WDR64: variants seen among roughly 807,000 people sequenced by gnomAD.
WDR64 encodes the protein WD repeat-containing protein 64.
WDR64 carries 112 observed loss-of-function variants against 139.3 expected under a neutral mutation model. The ratio of observed to expected loss-of-function variants is 0.80; its 90% CI spans 0.69 to 0.94. WDR64 has a LOEUF of 0.94. WDR64 is among the 40% of genes least tolerant of loss of function. WDR64 has a pLI of 0.00. For synonymous variants in WDR64, 444 were observed against 437.7 expected, an observed-to-expected ratio of 1.01 and a Z score of -0.18; for missense variants, 1,206 against 1,293.1, an observed-to-expected ratio of 0.93 and a Z score of 1.03.
intron 4 of WDR64, among the ~76,000 whole-genome samples, chr1:241,677,550 T>C (rs1214464401): frequency 6.6e-6 from 1 of 152,216 alleles, no homozygotes; most frequent in Non-Finnish European, 1.5e-5. Flanking sequence ...ACTACTTGCC[T>C]TCATCTTGGG....
intron 21 of WDR64, among the ~76,000 whole-genome samples, chr1:241,779,004 C>G (rs966118586): frequency 6.6e-6 from 1 of 152,038 alleles, no homozygotes; most frequent in African/African-American, 2.4e-5. Context: ...AAACCTATAT[C>G]ATTTTTCTTT....
intron 9 of WDR64, among the ~76,000 whole-genome samples, chr1:241,716,697 A>G (rs933333195): frequency 2.6e-5 from 4 of 152,110 alleles, no homozygotes; most frequent in Non-Finnish European, 4.4e-5. Flanking sequence ...ATAATAATAC[A>G]GATGAAATAG....
At chr1:241,792,549 A>G (rs1400187570) in intron 25 of WDR64, among the ~76,000 whole-genome samples, 1 of 152,024 alleles carries the variant, frequency 6.6e-6, no homozygotes, top group Non-Finnish European at 1.5e-5. Context: ...AAATAAATAA[A>G]TAAATAAAAA....
intron 10 of WDR64, 144 bp from the exon 11 acceptor site, chr1:241,738,219 T>C: frequency 9.6e-7 from 1 of 1,036,658 alleles, no homozygotes; most frequent in Non-Finnish European, 1.4e-6. Context: ...AAATTGGAGC[T>C]TAGCAAATGC....
intron 8 of WDR64, among the ~76,000 whole-genome samples, chr1:241,709,659 G>T (rs1366777884): frequency 2.0e-5 from 3 of 152,094 alleles, no homozygotes; most frequent in African/African-American, 7.2e-5. Flanking sequence ...CCCAGTTTTT[G>T]TAAAGAGATA....
At chr1:241,658,739 G>C (rs1467019777) in intron 1 of WDR64, among the ~76,000 whole-genome samples, 1 of 151,672 alleles carries the variant, frequency 6.6e-6, no homozygotes, top group Non-Finnish European at 1.5e-5. Context: ...TTTACAACAG[G>C]AAAAAGGCAA....
At chr1:241,747,680 A>C (rs1289862653) in intron 13 of WDR64, among the ~76,000 whole-genome samples, 1 of 151,746 alleles carries the variant, frequency 6.6e-6, no homozygotes, top group African/African-American at 2.4e-5. Flanking sequence ...GACATCTAGA[A>C]AAAAAGCAAG....
chr1:241,721,178 T>C (rs1173785066), intron 9 of WDR64, among the ~76,000 whole-genome samples: 1 of 152,218 alleles, frequency 6.6e-6, no homozygotes, highest in Non-Finnish European at 1.5e-5. Context: ...ACCAGTACCA[T>C]GCTGTTTTGG....
At chr1:241,726,688 A>C (rs965180897) in intron 10 of WDR64, among the ~76,000 whole-genome samples, 1 of 152,170 alleles carries the variant, frequency 6.6e-6, no homozygotes, top group Non-Finnish European at 1.5e-5. Context: ...TAAATAATAT[A>C]TAAAATACAA....
intron 25 of WDR64, among the ~76,000 whole-genome samples, chr1:241,791,123 T>C (rs536606094): frequency 0.098 from 430 of 4,380 alleles, 1 homozygote; most frequent in Non-Finnish European, 0.19. Context: ...TCCATCTCTA[T>C]TAAAAGTAAA....
Position 241,720,910 on chromosome 1 carries a change from G to A in WDR64, c.1055-2387G>A, listed in dbSNP as rs530003457. Reference sequence around the variant, plus strand: ...ATGGTATTGCCTAGATTTTCTTCTAGGTCTTTTATGGTTTTGGGGTTTACA... The same window carrying A: ...ATGGTATTGCCTAGATTTTCTTCTAAGTCTTTTATGGTTTTGGGGTTTACA... On this transcript the variant is annotated intron_variant, in intron 9 of 27. Transcript: ENST00000437684. Among the ~76,000 whole-genome samples, 16 of 152,190 alleles carry A rather than the reference G, an allele frequency of 1.1e-4. 1 individual carries two copies. Among genetic ancestry groups the A allele is most frequent in the African/African-American group, 3.9e-4 (16 of 41,532 alleles).
intron 15 of WDR64, among the ~76,000 whole-genome samples, chr1:241,765,010 C>A (rs997008409): frequency 3.3e-5 from 5 of 151,978 alleles, no homozygotes; most frequent in African/African-American, 1.2e-4. Context: ...CATAGTGAGA[C>A]CTTGTCTCTA....
At chr1:241,768,266 T>C (rs1179094300) in intron 16 of WDR64, among the ~76,000 whole-genome samples, 1 of 152,188 alleles carries the variant, frequency 6.6e-6, no homozygotes, top group Non-Finnish European at 1.5e-5. Context: ...TATAAGACAA[T>C]TGATTTATAA....
At position 241,658,552 on chromosome 1, in the gene WDR64, T is replaced by G. The variant is rs898865607; in HGVS notation, c.146-1978T>G. On this transcript the variant is annotated intron_variant, in intron 1 of 27. Transcript: ENST00000437684. Reference sequence around the variant, plus strand: ...TACTTGGGGGGTTGAGCTGGGAGGATCACTTGATCCTGGGAGGTAAAAGCT... The same window carrying G: ...TACTTGGGGGGTTGAGCTGGGAGGAGCACTTGATCCTGGGAGGTAAAAGCT... Among the ~76,000 whole-genome samples, 6 of 150,314 alleles carry G rather than the reference T, an allele frequency of 4.0e-5. No homozygotes were observed. In the South Asian group the frequency reaches 6.3e-4, roughly 16 times the overall value.
chr1:241,761,213 A>G (rs944134415), intron 15 of WDR64, among the ~76,000 whole-genome samples: 4 of 152,214 alleles, frequency 2.6e-5, no homozygotes, highest in African/African-American at 9.6e-5. Flanking sequence ...AAATGAGAAG[A>G]CTTTTAAAAA....
At chr1:241,691,517 A>T (rs969423384) in intron 8 of WDR64, among the ~76,000 whole-genome samples, 2 of 152,212 alleles carry the variant, frequency 1.3e-5, no homozygotes, top group African/African-American at 4.8e-5. Flanking sequence ...AGGAGTTACT[A>T]TAAAAACACT....
intron 2 of WDR64, among the ~76,000 whole-genome samples, chr1:241,669,289 CATGAAGCGGT>C (rs1349210280): frequency 6.6e-6 from 1 of 152,158 alleles, no homozygotes; most frequent in African/African-American, 2.4e-5. Flanking sequence ...TGCTCTTTGC[CATGAAGCGGT>C]ATTGTGGGTT....
At chr1:241,660,347 T>A (rs1665775361) in intron 1 of WDR64, among the ~76,000 whole-genome samples, 183 bp from the exon 2 acceptor site, 1 of 152,224 alleles carries the variant, frequency 6.6e-6, no homozygotes, top group African/African-American at 2.4e-5. Flanking sequence ...GGTAGTGTGA[T>A]GCCTCCAGCT....
intron 20 of WDR64, among the ~76,000 whole-genome samples, chr1:241,773,851 T>C (rs1023842689): frequency 1.3e-5 from 2 of 152,198 alleles, no homozygotes; most frequent in African/African-American, 4.8e-5. Flanking sequence ...CCACTAAATA[T>C]CTTACTGGAT....
Sources: allele counts gnomAD v4.1 joint callset (sites outside exome capture counted in the v4.1 genomes callset), GRCh38; gene constraint gnomAD v4.1.1; transcripts MANE v1.5; gene names NCBI Gene and HGNC (gene_info 2026-07-23, HGNC 2026-07-21).